The following CEP128 variants were observed in gnomAD, a reference collection of about 807,000 sequenced individuals.
CEP128 encodes the protein centrosomal protein 128kDa.
A neutral mutation model predicts 156.7 loss-of-function variants in CEP128; 132 were observed. The ratio of observed to expected loss-of-function variants is 0.84; its 90% CI spans 0.73 to 0.97. CEP128 has a LOEUF of 0.97. Among genes scored for constraint, CEP128 ranks in the 50% least tolerant of loss-of-function variants. The pLI is 0.00. For missense variants in CEP128, 1,252 were observed against 1,281.9 expected (o/e 0.98, Z 0.36); for synonymous variants, 469 against 448.9 (o/e 1.04, Z -0.57).
rs770451486 is a variant in CEP128 at position 80,914,408 on chromosome 14, C to T, written c.148G>A (p.Asp50Asn). ...ACTTGTCGCAGGTTCCGACTGGTAT[C>T]CTTGAGAAAGAAAATGGACTGAATT... ...KVNTITSTLQDTSRNLRQVDQ... is the reference protein window; with the variant it reads ...KVNTITSTLQNTSRNLRQVDQ... Residue 50 changes from aspartate to asparagine, a missense_variant and splice_region_variant, in exon 4 of 25, where the codon GAT becomes AAT. Physicochemically the swap from Asp to Asn is conservative, Grantham distance 23. Coordinates refer to ENST00000555265, the MANE Select transcript of CEP128 (RefSeq NM_152446.5). The T allele has an allele frequency of 3.2e-5, 52 of 1,611,172 alleles. 1 individual carries two copies. The South Asian group carries it at 4.2e-4, about 13-fold the overall frequency.
chr14:80,801,605 T>A (rs972726537), intron 13 of CEP128, among the ~76,000 whole-genome samples: 2 of 151,462 alleles, frequency 1.3e-5, no homozygotes, highest in Non-Finnish European at 2.9e-5. Context: ...CAAACAAACA[T>A]AAGAAAAAAC....
At chr14:80,628,060 A>G (rs1015133125) in intron 19 of CEP128, among the ~76,000 whole-genome samples, 1 of 152,328 alleles carries the variant, frequency 6.6e-6, no homozygotes, top group East Asian at 1.9e-4. Context: ...AAAAGCTTAA[A>G]TTGCAAGAAC....
intron 20 of CEP128, among the ~76,000 whole-genome samples, chr14:80,577,867 T>C (rs1224249456): frequency 6.6e-6 from 1 of 152,198 alleles, no homozygotes; most frequent in African/African-American, 2.4e-5. Context: ...CATTCCAACA[T>C]ACTGAACTTT....
intron 5 of CEP128, 47 bp downstream of exon 5, chr14:80,905,908 A>G: frequency 1.3e-6 from 2 of 1,589,762 alleles, no homozygotes; most frequent in Non-Finnish European, 8.6e-7. Flanking sequence ...TTCAATATCT[A>G]CTTCAAAAAT....
At chr14:80,718,349 T>G (rs992433510) in intron 19 of CEP128, among the ~76,000 whole-genome samples, 1 of 152,224 alleles carries the variant, frequency 6.6e-6, no homozygotes, top group Non-Finnish European at 1.5e-5. Flanking sequence ...TTCTAAATAC[T>G]ACTTTCAAAG....
chr14:80,607,705 G>A (rs1892840963), intron 19 of CEP128, among the ~76,000 whole-genome samples: 1 of 152,118 alleles, frequency 6.6e-6, no homozygotes, highest in South Asian at 2.1e-4. Context: ...GAAAAGAAAG[G>A]AAGACTCTTT....
intron 24 of CEP128, among the ~76,000 whole-genome samples, chr14:80,502,943 A>G (rs1887803894): frequency 6.6e-6 from 1 of 152,110 alleles, no homozygotes; most frequent in Admixed American, 6.5e-5. Flanking sequence ...AGAAAACTTA[A>G]GGCTTATCAG....
At chr14:80,661,019 A>G (rs1380158399) in intron 19 of CEP128, among the ~76,000 whole-genome samples, 1 of 152,202 alleles carries the variant, frequency 6.6e-6, no homozygotes, top group African/African-American at 2.4e-5. Context: ...CATGTAGCAG[A>G]GGAATCCCAT....
At position 80,916,388 on chromosome 14, in the gene CEP128, T is replaced by C. The variant is rs367760216; in HGVS notation, c.147+13A>G. ...ATTTAAATTCTATTAAATGCAACCA[T>C]TGTTAAACTAACCTGTAAAGTACTT... On this transcript the variant is annotated intron_variant, in intron 3 of 24. Coordinates refer to ENST00000555265, the MANE Select transcript of CEP128 (RefSeq NM_152446.5). The C allele has an allele frequency of 3.7e-6, 6 of 1,605,334 alleles. No homozygotes were observed. Among genetic ancestry groups the C allele is most frequent in the African/African-American group, 2.7e-5 (2 of 74,414 alleles).
intron 13 of CEP128, among the ~76,000 whole-genome samples, chr14:80,826,105 CAAAAAAAAAAA>C (rs397700906): frequency 1.4e-5 from 1 of 70,488 alleles, no homozygotes; most frequent in Non-Finnish European, 3.0e-5. Flanking sequence ...GATTCTGTCT[CAAAAAAAAAAA>C]AAAAAAAAAA....
intron 19 of CEP128, among the ~76,000 whole-genome samples, chr14:80,731,502 A>G (rs1454223950): frequency 6.6e-6 from 1 of 152,240 alleles, no homozygotes; most frequent in African/African-American, 2.4e-5. Context: ...GTAGTTGAAC[A>G]TTAAGATCTA....
At chr14:80,558,072 A>C (rs1023411238) in intron 21 of CEP128, among the ~76,000 whole-genome samples, 13 of 152,190 alleles carry the variant, frequency 8.5e-5, no homozygotes, top group African/African-American at 3.1e-4. Flanking sequence ...AAATAAAATT[A>C]AAATCTATAA....
intron 2 of CEP128, among the ~76,000 whole-genome samples, chr14:80,953,517 G>A (rs979883031): frequency 2.0e-5 from 3 of 152,168 alleles, no homozygotes; most frequent in African/African-American, 7.2e-5. Flanking sequence ...CCCGGGAGGC[G>A]GAGGTTGCAG....
intron 23 of CEP128, among the ~76,000 whole-genome samples, chr14:80,521,840 G>T (rs1428812452): frequency 2.6e-5 from 4 of 152,126 alleles, no homozygotes; most frequent in African/African-American, 9.7e-5. Context: ...TAGTAGAAGG[G>T]CATTTCCCAA....
chr14:80,483,354 C>T (rs1887094775), intron 14 of CEP128, among the ~76,000 whole-genome samples: 1 of 152,200 alleles, frequency 6.6e-6, no homozygotes, highest in Non-Finnish European at 1.5e-5. Flanking sequence ...GCAATGACAG[C>T]ACAGATATTC....
At chr14:80,542,323 C>T (rs7155869) in intron 21 of CEP128, among the ~76,000 whole-genome samples, 12,120 of 152,134 alleles carry the variant, frequency 0.08, 592 homozygotes, top group African/African-American at 0.12. Flanking sequence ...AAAACCTTAT[C>T]ATAAACATAC....
chr14:80,812,671 C>G (rs1051026368), intron 13 of CEP128, among the ~76,000 whole-genome samples: 1 of 152,140 alleles, frequency 6.6e-6, no homozygotes, highest in East Asian at 1.9e-4. Context: ...TGGGTTCAAG[C>G]GATTCTCCTG....
chr14:80,812,377 G>C (rs1488834048), intron 13 of CEP128, among the ~76,000 whole-genome samples: 1 of 152,176 alleles, frequency 6.6e-6, no homozygotes, highest in Non-Finnish European at 1.5e-5. Flanking sequence ...ACACCTATAT[G>C]TCTTTATGGT....
intron 19 of CEP128, among the ~76,000 whole-genome samples, chr14:80,632,545 T>C (rs1226778883): frequency 6.7e-6 from 1 of 149,178 alleles, no homozygotes; most frequent in Non-Finnish European, 1.5e-5. Flanking sequence ...GAGTCCATCA[T>C]ACTATATATA....
Sources: gnomAD v4.1 joint callset for allele counts (sites outside exome capture counted in the v4.1 genomes callset) on GRCh38, gnomAD v4.1.1 for gene constraint, MANE v1.5 for transcripts, NCBI Gene and HGNC (gene_info 2026-07-23, HGNC 2026-07-21) for gene names.